The following FIG4 variants were observed in gnomAD, a reference collection of about 807,000 sequenced individuals.
FIG4 encodes FIG4 phosphoinositide 5-phosphatase.
Under a neutral mutation model 118.6 loss-of-function variants are expected in FIG4, and 112 were observed. The ratio of observed to expected loss-of-function variants is 0.94; its 90% confidence interval spans 0.81 to 1.11. FIG4 has a LOEUF of 1.11. Among genes scored for constraint, FIG4 ranks in the 50% least tolerant of loss-of-function variants. FIG4 has a pLI of 0.00. For missense variants in FIG4, 969 were observed against 1,111.7 expected (o/e 0.87, Z 1.83); for synonymous variants, 369 against 381.2 (o/e 0.97, Z 0.37).
chr6:109,751,901 A>G (rs556616760), intron 10 of FIG4, among the ~76,000 whole-genome samples: 3 of 148,816 alleles, frequency 2.0e-5, no homozygotes, highest in Admixed American at 1.3e-4. Flanking sequence ...GATTAGTTAC[A>G]TATGTATACA....
intron 1 of FIG4, among the ~76,000 whole-genome samples, chr6:109,696,697 T>C (rs982760041): frequency 6.6e-6 from 1 of 152,104 alleles, no homozygotes; most frequent in African/African-American, 2.4e-5. Context: ...GTTGAGCTTA[T>C]AGAAGCAGAG....
At chr6:109,778,215 C>T (rs1365902878) in intron 16 of FIG4, among the ~76,000 whole-genome samples, 2 of 151,834 alleles carry the variant, frequency 1.3e-5, no homozygotes, top group Admixed American at 1.3e-4. Flanking sequence ...AATCCCAACA[C>T]TTTGGGAGGC....
intron 1 of FIG4, among the ~76,000 whole-genome samples, chr6:109,709,392 G>C (rs1036139087): frequency 2.0e-5 from 3 of 152,126 alleles, no homozygotes; most frequent in Non-Finnish European, 1.5e-5. Flanking sequence ...AAGTTGGGTA[G>C]CATGATGCCT....
chr6:109,803,158 T>G (rs73765003), intron 22 of FIG4, among the ~76,000 whole-genome samples: 12,672 of 152,218 alleles, frequency 0.083, 1,091 homozygotes, highest in African/African-American at 0.22. Flanking sequence ...AGCTCTGTTC[T>G]AATCAGGGGA....
intron 10 of FIG4, among the ~76,000 whole-genome samples, chr6:109,746,548 C>T (rs751269325): frequency 5.3e-5 from 8 of 152,014 alleles, no homozygotes; most frequent in African/African-American, 7.2e-5. Context: ...AAAGGGGGTT[C>T]CCTGTGGCTG....
chr6:109,783,786 T>C (rs1777875704), intron 16 of FIG4, among the ~76,000 whole-genome samples: 1 of 152,242 alleles, frequency 6.6e-6, no homozygotes, highest in African/African-American at 2.4e-5. Context: ...TACTGAATCA[T>C]CTGCCTTTTA....
At chr6:109,764,918 TG>T in intron 13 of FIG4, 94 bp from the exon 14 acceptor site, 2 of 1,179,208 alleles carry the variant, frequency 1.7e-6, no homozygotes, top group Admixed American at 1.9e-5. Context: ...TTTTTGTTTT[TG>T]TTTTTGTTTT....
At chr6:109,767,229 A>C (rs1777306776) in intron 15 of FIG4, among the ~76,000 whole-genome samples, 1 of 152,118 alleles carries the variant, frequency 6.6e-6, no homozygotes, top group Non-Finnish European at 1.5e-5. Context: ...CATTTTTTTA[A>C]ATAGGGTTCA....
chr6:109,768,809 C>G (rs1777360437), intron 15 of FIG4, among the ~76,000 whole-genome samples: 1 of 152,112 alleles, frequency 6.6e-6, no homozygotes, highest in African/African-American at 2.4e-5. Flanking sequence ...AAATCCACAT[C>G]CATTTCCTAG....
At chr6:109,715,294 G>A (rs1161292530) in intron 2 of FIG4, 118 bp downstream of exon 2, 60 of 629,374 alleles carry the variant, frequency 9.5e-5, no homozygotes, top group Admixed American at 7.1e-4. Context: ...AAAAGTTTCC[G>A]TTATTTTTCT....
intron 16 of FIG4, 72 bp from the exon 17 acceptor site, chr6:109,784,897 AT>A: frequency 3.9e-6 from 3 of 775,304 alleles, no homozygotes; most frequent in Non-Finnish European, 2.2e-6. Flanking sequence ...CATATAAATT[AT>A]TTTATCCAGT....
At chr6:109,724,172 C>T (rs1775709515) in intron 3 of FIG4, among the ~76,000 whole-genome samples, 2 of 152,110 alleles carry the variant, frequency 1.3e-5, no homozygotes, top group African/African-American at 4.8e-5. Flanking sequence ...TTTTATCTCC[C>T]ATCAAGATTC....
At chr6:109,766,406 C>G (rs780230355) in intron 14 of FIG4, among the ~76,000 whole-genome samples, 46 of 152,100 alleles carry the variant, frequency 3.0e-4, no homozygotes, top group Non-Finnish European at 5.6e-4. Context: ...ACAGTACATT[C>G]CGTTATGGGA....
chr6:109,787,459 GT>G (rs1012380401), intron 18 of FIG4, among the ~76,000 whole-genome samples: 1 of 152,110 alleles, frequency 6.6e-6, no homozygotes, highest in African/African-American at 2.4e-5. Flanking sequence ...AGGTTTAGCA[GT>G]TTTAACTATG....
At chr6:109,822,224 G>T (rs1000429062) in intron 22 of FIG4, among the ~76,000 whole-genome samples, 3 of 152,156 alleles carry the variant, frequency 2.0e-5, no homozygotes, top group Admixed American at 6.5e-5. Flanking sequence ...CAGGGTAGGG[G>T]ATTGTGATGG....
At position 109,718,705 on chromosome 6, in the gene FIG4, G is replaced by C. The variant is rs955081483; in HGVS notation, c.289+2137G>C. Among the ~76,000 whole-genome samples, 3 of 152,094 alleles carry C rather than the reference G, an allele frequency of 2.0e-5. No homozygotes were observed. The East Asian group carries it at 5.8e-4, about 29-fold the overall frequency. ...CCTTGAGGTTACATGTTGAATGGAT[G>C]AGTGTTTGTGGGAATGTGTATGTCT... On this transcript the variant is annotated intron_variant, in intron 3 of 22. Coordinates refer to ENST00000230124, the MANE Select transcript of FIG4 (RefSeq NM_014845.6).
At chr6:109,786,566 G>A in intron 18 of FIG4, 117 bp downstream of exon 18, 1 of 1,095,652 alleles carries the variant, frequency 9.1e-7, no homozygotes, top group South Asian at 1.3e-5. Flanking sequence ...CAGGTGGGTA[G>A]TCCACCTTTG....
chr6:109,810,360 C>T (rs1310249170), intron 22 of FIG4, among the ~76,000 whole-genome samples: 1 of 152,190 alleles, frequency 6.6e-6, no homozygotes, highest in Non-Finnish European at 1.5e-5. Context: ...ATCAGGCACC[C>T]TGGGATCTGA....
chr6:109,744,298 C>G (rs142913715), intron 10 of FIG4, among the ~76,000 whole-genome samples: 1 of 152,080 alleles, frequency 6.6e-6, no homozygotes, highest in Non-Finnish European at 1.5e-5. Context: ...CCTCATAGTT[C>G]CCTGCTTTCT....
Sources: gnomAD v4.1 joint callset for allele counts (sites outside exome capture counted in the v4.1 genomes callset) on GRCh38, gnomAD v4.1.1 for gene constraint, MANE v1.5 for transcripts, NCBI Gene and HGNC (gene_info 2026-07-23, HGNC 2026-07-21) for gene names.